The following RIN3 variants were observed in gnomAD, a reference collection of about 807,000 sequenced individuals.
RIN3 encodes Ras and Rab interactor 3.
RIN3 carries 54 observed loss-of-function variants against 76.3 expected under a neutral mutation model. The observed-to-expected ratio is 0.71, with a 90% confidence interval of 0.57 to 0.89. The LOEUF (loss-of-function observed/expected upper bound fraction) is 0.89. Ranked by LOEUF, RIN3 falls within the 40% of genes least tolerant of loss-of-function variation. The probability of loss-of-function intolerance (pLI) is 0.00; values close to 1 mark genes in which losing one functional copy is unlikely to be tolerated. For missense variants in RIN3, 1,256 were observed against 1,322.1 expected (o/e 0.95, Z 0.78); for synonymous variants, 576 against 564.0 (o/e 1.02, Z -0.30).
At chr14:92,558,120 AG>A (rs1343972900) in intron 2 of RIN3, among the ~76,000 whole-genome samples, 1 of 152,190 alleles carries the variant, frequency 6.6e-6, no homozygotes, top group Non-Finnish European at 1.5e-5. Context: ...AGGCCACGGC[AG>A]GGGGATTCCT....
intron 2 of RIN3, among the ~76,000 whole-genome samples, chr14:92,576,679 G>A (rs959040246): frequency 2.6e-5 from 4 of 152,158 alleles, no homozygotes; most frequent in East Asian, 1.9e-4. Context: ...AGGAGGGGAC[G>A]TCCTGTTATA....
intron 4 of RIN3, among the ~76,000 whole-genome samples, chr14:92,625,965 A>G (rs1181714568): frequency 1.3e-5 from 2 of 152,066 alleles, no homozygotes; most frequent in Non-Finnish European, 2.9e-5. Flanking sequence ...GCTATTTGTG[A>G]CAAAATGTAG....
At chr14:92,546,018 C>T (rs1334530591) in intron 1 of RIN3, among the ~76,000 whole-genome samples, 6 of 151,894 alleles carry the variant, frequency 4.0e-5, no homozygotes, top group Non-Finnish European at 5.9e-5. Context: ...CTCTGCTTCC[C>T]GGGTTTAAGC....
rs140406575 is a variant in RIN3, at chr14:92,532,074, G to A, written c.44+18098G>A. 4.6e-5 allele frequency among the ~76,000 whole-genome samples: 7 copies of A among 152,012 alleles called. No homozygotes were observed. The East Asian group carries it at 7.7e-4, about 17-fold the overall frequency. On this transcript the variant is annotated intron_variant, in intron 1 of 9. Coordinates refer to ENST00000216487, the MANE Select transcript of RIN3 (RefSeq NM_024832.5). ...CTCCTGAGTAGCTGGGACTACAGGC[G>A]CATGCCAGCATGCCAGGCTCATTTT... is the stretch of plus-strand genomic sequence containing the variant.
chr14:92,557,629 CAG>C (rs1897632432), intron 2 of RIN3, among the ~76,000 whole-genome samples: 1 of 152,244 alleles, frequency 6.6e-6, no homozygotes, highest in South Asian at 2.1e-4. Flanking sequence ...CCTCTTGCTA[CAG>C]AGGCCCCTGT....
chr14:92,519,828 G>A (rs1312989568), intron 1 of RIN3, among the ~76,000 whole-genome samples: 4 of 152,180 alleles, frequency 2.6e-5, no homozygotes, highest in African/African-American at 9.7e-5. Flanking sequence ...GAGGAGTGAC[G>A]GGTACATGGG....
At chr14:92,602,378 C>T (rs910944061) in intron 3 of RIN3, among the ~76,000 whole-genome samples, 4 of 152,186 alleles carry the variant, frequency 2.6e-5, no homozygotes, top group East Asian at 1.9e-4. Flanking sequence ...GAGGCAGGGA[C>T]ACGCCGATTG....
Position 92,536,862 on chromosome 14 carries a change from C to T in RIN3, c.45-18889C>T, listed in dbSNP as rs567158683. 2.2e-3 allele frequency among the ~76,000 whole-genome samples: 339 copies of T among 151,918 alleles called. 1 individual carries two copies. The highest frequency in any genetic ancestry group is 0.014 in the Middle Eastern group (4 of 294). ...TCCTCTCTAAAATGGGAATGATAAC[C>T]GAGTAACCTTATAGCATTCTTTTAA... On this transcript the variant is annotated intron_variant, in intron 1 of 9. Coordinates refer to ENST00000216487, the MANE Select transcript of RIN3 (RefSeq NM_024832.5).
intron 7 of RIN3, among the ~76,000 whole-genome samples, chr14:92,661,077 C>G (rs57407935): frequency 0.33 from 49,777 of 152,166 alleles, 8,735 homozygotes; most frequent in Non-Finnish European, 0.37. Context: ...CCTGAGGAAG[C>G]TGCTTTACAG....
intron 3 of RIN3, among the ~76,000 whole-genome samples, chr14:92,589,610 C>T (rs1884907790): frequency 6.6e-6 from 1 of 152,158 alleles, no homozygotes; most frequent in African/African-American, 2.4e-5. Flanking sequence ...GCCACTCAAA[C>T]CTCTATCTCA....
At chr14:92,579,669 A>C (rs1024571263) in intron 3 of RIN3, among the ~76,000 whole-genome samples, 18 of 152,238 alleles carry the variant, frequency 1.2e-4, no homozygotes, top group Non-Finnish European at 2.1e-4. Context: ...GATTCATTAA[A>C]TATTCTCAAG....
chr14:92,673,753 G>C (rs1888367352), intron 7 of RIN3, among the ~76,000 whole-genome samples: 1 of 152,206 alleles, frequency 6.6e-6, no homozygotes, highest in Non-Finnish European at 1.5e-5. Flanking sequence ...TGATCCGCAT[G>C]CGTCGGCCTC....
intron 4 of RIN3, among the ~76,000 whole-genome samples, chr14:92,617,600 C>A (rs777532050): frequency 8.5e-5 from 13 of 152,182 alleles, no homozygotes; most frequent in Non-Finnish European, 1.8e-4. Context: ...GGGAAACTAT[C>A]ACTATGACTA....
Position 92,688,087 on chromosome 14 carries a change from C to T in RIN3, c.2793C>T (p.Cys931=), listed in dbSNP as rs771949973. Residue 931 remains cysteine (C), a synonymous_variant, in exon 10 of 10, where the codon TGC becomes TGT. Coordinates refer to ENST00000216487, the MANE Select transcript of RIN3 (RefSeq NM_024832.5). The stretch of plus-strand genomic sequence containing the variant: ...TGTTCGTGCTGGTGGACGGGCGCTG[C>T]TTCCAGCTGGCGGACGACGCGCTGC... ...HRLFVLVDGR[C]FQLADDALPH... 6.2e-7 allele frequency: 1 copy of T among 1,606,994 alleles called. No homozygotes were observed. The highest frequency in any genetic ancestry group is 1.7e-5 in the Admixed American group (1 of 59,658).
intron 5 of RIN3, among the ~76,000 whole-genome samples, chr14:92,642,245 G>A (rs1418533440): frequency 6.6e-6 from 1 of 151,940 alleles, no homozygotes; most frequent in African/African-American, 2.4e-5. Flanking sequence ...TGGGACTATA[G>A]GCGCACACCA....
At chr14:92,546,716 G>GC (rs66463905) in intron 1 of RIN3, among the ~76,000 whole-genome samples, 43,394 of 151,780 alleles carry the variant, frequency 0.29, 6,733 homozygotes, top group Middle Eastern at 0.4. Flanking sequence ...GGGGAGCTTT[G>GC]CCCCCCGCCC....
chr14:92,572,986 A>G (rs1283861188), intron 2 of RIN3, among the ~76,000 whole-genome samples: 1 of 143,012 alleles, frequency 7.0e-6, no homozygotes, highest in African/African-American at 2.7e-5. Flanking sequence ...GATTGAAGCT[A>G]TTCTTCTGCC....
chr14:92,672,243 TA>T (rs113945220), intron 7 of RIN3, among the ~76,000 whole-genome samples: 108 of 145,494 alleles, frequency 7.4e-4, no homozygotes, highest in Non-Finnish European at 9.6e-4. Flanking sequence ...CCATCTCTAC[TA>T]AAAAAAAAAA....
chr14:92,626,133 C>G (rs571311346), intron 4 of RIN3, among the ~76,000 whole-genome samples: 1 of 152,168 alleles, frequency 6.6e-6, no homozygotes, highest in Non-Finnish European at 1.5e-5. Flanking sequence ...CACTGACTCC[C>G]GAATTCCTTT....
Sources: gnomAD v4.1 joint callset for allele counts (sites outside exome capture counted in the v4.1 genomes callset) on GRCh38, gnomAD v4.1.1 for gene constraint, MANE v1.5 for transcripts, NCBI Gene and HGNC (gene_info 2026-07-23, HGNC 2026-07-21) for gene names.